CSMD1: variants seen among roughly 807,000 people sequenced by gnomAD.
CSMD1 encodes the protein CUB and Sushi multiple domains 1.
In CSMD1, 213 loss-of-function variants were observed where a neutral mutation model predicts 417.5. The ratio of observed to expected loss-of-function variants is 0.51; its 90% CI spans 0.46 to 0.57. The LOEUF (loss-of-function observed/expected upper bound fraction) is 0.57, where lower values mean the gene tolerates loss of function less well. CSMD1 is among the 20% of genes least tolerant of loss of function. The pLI is 0.00. For synonymous variants in CSMD1, 2,862 were observed against 1,736.8 expected (o/e 1.65, Z -16.11); for missense variants, 6,923 against 4,529.7 (o/e 1.53, Z -15.17).
Position 3,997,911 on chromosome 8 carries a change from TG to T in CSMD1, c.809del (p.Pro270HisfsTer5). 6.2e-7 allele frequency: 1 copy of T among 1,611,892 alleles called. No homozygotes were observed. The highest frequency in any genetic ancestry group is 8.5e-7 in the Non-Finnish European group (1 of 1,178,942). On this transcript the variant is annotated frameshift_variant, in exon 5 of 70. Coordinates refer to ENST00000635120, the MANE Select transcript of CSMD1 (RefSeq NM_033225.6). LOFTEE classifies it high-confidence loss of function. Reference protein sequence around the residue: ...DFLEISGTEAPSIWLTGMNLP... With the variant: ...DFLEISGTEAXSIWLTGMNLP... ...CTCTTCCCGGGACTTACCATATGGA[TG>T]GAGCTTCCGTGCCACTGATCTCTAA...
chr8:3,517,842 T>C (rs1797346041), intron 10 of CSMD1, among the ~76,000 whole-genome samples: 1 of 152,194 alleles, frequency 6.6e-6, no homozygotes, highest in Non-Finnish European at 1.5e-5. Context: ...CGACCCATCC[T>C]AGAAATCCTC....
At chr8:3,428,247 G>A (rs1385151943) in intron 12 of CSMD1, among the ~76,000 whole-genome samples, 1 of 151,800 alleles carries the variant, frequency 6.6e-6, no homozygotes, top group Non-Finnish European at 1.5e-5. Flanking sequence ...GAGGAAGGGG[G>A]GACCTTAAAA....
chr8:3,943,756 A>T (rs1811048661), intron 5 of CSMD1, among the ~76,000 whole-genome samples: 1 of 152,102 alleles, frequency 6.6e-6, no homozygotes, highest in African/African-American at 2.4e-5. Flanking sequence ...AATCACAAAG[A>T]AACAGTTAAA....
At chr8:4,246,935 G>A (rs955180740) in intron 3 of CSMD1, among the ~76,000 whole-genome samples, 7 of 152,174 alleles carry the variant, frequency 4.6e-5, no homozygotes, top group Non-Finnish European at 8.8e-5. Context: ...AAGAGAGAAT[G>A]TAGATAATAT....
chr8:3,736,833 G>T (rs1440874984), intron 6 of CSMD1, among the ~76,000 whole-genome samples: 1 of 152,194 alleles, frequency 6.6e-6, no homozygotes, highest in Admixed American at 6.5e-5. Flanking sequence ...AGGCTGCTGG[G>T]ATGTTACGTA....
chr8:4,567,389 C>T (rs1798663260), intron 2 of CSMD1, among the ~76,000 whole-genome samples: 1 of 152,152 alleles, frequency 6.6e-6, no homozygotes, highest in African/African-American at 2.4e-5. Context: ...AGGAATTAGA[C>T]ACAATGGTGC....
chr8:4,722,284 G>T, intron 1 of CSMD1, among the ~76,000 whole-genome samples: 1 of 151,976 alleles, frequency 6.6e-6, no homozygotes, highest in African/African-American at 2.4e-5. Flanking sequence ...CTTAAATACA[G>T]ACTGCAAGAA....
intron 6 of CSMD1, among the ~76,000 whole-genome samples, chr8:3,715,796 G>A (rs1021784761): frequency 1.3e-5 from 2 of 152,138 alleles, no homozygotes; most frequent in East Asian, 1.9e-4. Context: ...TCCCGCCCTG[G>A]CCTCCCAAAG....
intron 11 of CSMD1, among the ~76,000 whole-genome samples, chr8:3,481,617 T>C (rs34070245): frequency 0.47 from 72,122 of 152,032 alleles, 17,509 homozygotes; most frequent in Non-Finnish European, 0.54. Flanking sequence ...ATGTGGGGGA[T>C]TGTCCTGAAT....
chr8:3,972,129 C>T (rs1437413351), intron 5 of CSMD1, among the ~76,000 whole-genome samples: 2 of 151,934 alleles, frequency 1.3e-5, no homozygotes, highest in African/African-American at 4.8e-5. Context: ...CCTGGGACGG[C>T]GAAAGTGCTG....
At chr8:4,324,012 A>C (rs977596910) in intron 3 of CSMD1, among the ~76,000 whole-genome samples, 3 of 152,164 alleles carry the variant, frequency 2.0e-5, no homozygotes, top group African/African-American at 4.8e-5. Context: ...AATGGCAGGC[A>C]CAGCCACACC....
chr8:3,693,136 A>G (rs763559830), intron 7 of CSMD1, among the ~76,000 whole-genome samples: 3 of 152,162 alleles, frequency 2.0e-5, no homozygotes, highest in African/African-American at 2.4e-5. Flanking sequence ...ATAGATAGTC[A>G]CCCACACTGT....
chr8:4,891,929 C>T (rs188557668), intron 1 of CSMD1, among the ~76,000 whole-genome samples: 1 of 151,822 alleles, frequency 6.6e-6, no homozygotes, highest in Admixed American at 6.6e-5. Context: ...AGGTTATCAA[C>T]AATAAAAGAA....
chr8:3,806,853 A>G (rs763957413), intron 5 of CSMD1, among the ~76,000 whole-genome samples: 12 of 152,204 alleles, frequency 7.9e-5, no homozygotes, highest in Non-Finnish European at 1.3e-4. Flanking sequence ...AGCAGACACA[A>G]TGTAATCTAG....
chr8:4,174,366 C>G (rs1251388465), intron 3 of CSMD1, among the ~76,000 whole-genome samples: 22 of 152,040 alleles, frequency 1.4e-4, no homozygotes, highest in Admixed American at 1.4e-3. Context: ...TCTGAGAGAG[C>G]AAGTCATTTG....
intron 12 of CSMD1, among the ~76,000 whole-genome samples, chr8:3,453,368 T>C (rs71521860): frequency 1.1e-3 from 161 of 152,322 alleles, no homozygotes; most frequent in African/African-American, 3.5e-3. Flanking sequence ...TGAATGTGTT[T>C]GCTCTTGCTT....
At chr8:3,088,595 T>C (rs2129006836) in intron 48 of CSMD1, among the ~76,000 whole-genome samples, 1 of 152,048 alleles carries the variant, frequency 6.6e-6, no homozygotes, top group Admixed American at 6.6e-5. Context: ...CCTCAGAAAA[T>C]ATTCTCAGCT....
intron 5 of CSMD1, among the ~76,000 whole-genome samples, chr8:3,899,363 C>G (rs536642995): frequency 3.3e-5 from 5 of 151,890 alleles, no homozygotes; most frequent in South Asian, 2.1e-4. Context: ...ATTCTCCGCC[C>G]TGGCACAAAG....
At chr8:4,027,794 A>G (rs1434061482) in intron 4 of CSMD1, among the ~76,000 whole-genome samples, 1 of 152,182 alleles carries the variant, frequency 6.6e-6, no homozygotes, top group African/African-American at 2.4e-5. Context: ...GCAGAAATGG[A>G]AGTAAGGCCA....
Sources: gnomAD v4.1 joint callset for allele counts (sites outside exome capture counted in the v4.1 genomes callset) on GRCh38, gnomAD v4.1.1 for gene constraint, MANE v1.5 for transcripts, NCBI Gene and HGNC (gene_info 2026-07-23, HGNC 2026-07-21) for gene names.